Variants in SGCZ observed in about 807,000 individuals in gnomAD.
SGCZ encodes zeta-sarcoglycan.
SGCZ carries 40 observed loss-of-function variants against 41.3 expected under a neutral mutation model. The ratio of observed to expected loss-of-function variants is 0.97; its 90% CI spans 0.75 to 1.26. The LOEUF is 1.26. SGCZ is among the 50% of genes most tolerant of loss of function. SGCZ has a pLI of 0.00. For missense variants in SGCZ, 552 were observed against 369.8 expected (o/e 1.49, Z -4.04); for synonymous variants, 206 against 137.5 (o/e 1.50, Z -3.49).
chr8:15,043,724 A>G (rs1804196570), intron 1 of SGCZ, among the ~76,000 whole-genome samples: 1 of 152,142 alleles, frequency 6.6e-6, no homozygotes, highest in Non-Finnish European at 1.5e-5. Flanking sequence ...GGAATTCTTT[A>G]GAATAATCAC....
chr8:15,110,368 T>A (rs924685687), intron 1 of SGCZ, among the ~76,000 whole-genome samples: 1 of 152,184 alleles, frequency 6.6e-6, no homozygotes, highest in Non-Finnish European at 1.5e-5. Flanking sequence ...AAAATTATGT[T>A]CACAATGATC....
intron 1 of SGCZ, among the ~76,000 whole-genome samples, chr8:15,019,695 G>C (rs1305851546): frequency 6.6e-6 from 1 of 151,616 alleles, no homozygotes; most frequent in Non-Finnish European, 1.5e-5. Flanking sequence ...ATCTCACTGT[G>C]ATGCCACAAC....
intron 3 of SGCZ, among the ~76,000 whole-genome samples, chr8:14,315,486 A>G (rs1273277512): frequency 6.6e-6 from 1 of 152,108 alleles, no homozygotes; most frequent in Non-Finnish European, 1.5e-5. Context: ...GCAAGGGGAT[A>G]AGGATAAAAA....
intron 1 of SGCZ, among the ~76,000 whole-genome samples, chr8:14,955,091 T>A (rs1455519004): frequency 6.6e-6 from 1 of 152,146 alleles, no homozygotes; most frequent in Non-Finnish European, 1.5e-5. Context: ...CTTCTCCTTT[T>A]TTCTTCAATA....
intron 1 of SGCZ, among the ~76,000 whole-genome samples, chr8:14,953,667 G>C (rs1449985714): frequency 1.3e-5 from 2 of 152,080 alleles, no homozygotes; most frequent in African/African-American, 4.8e-5. Flanking sequence ...AGACTTTTAA[G>C]TCACTTTACT....
intron 1 of SGCZ, among the ~76,000 whole-genome samples, chr8:14,802,294 A>G (rs1801346871): frequency 1.3e-5 from 2 of 152,232 alleles, no homozygotes. Context: ...ATAAATCACT[A>G]AGCTGCCATG....
intron 1 of SGCZ, among the ~76,000 whole-genome samples, chr8:15,155,425 C>A (rs1799300296): frequency 6.6e-6 from 1 of 152,024 alleles, no homozygotes; most frequent in Non-Finnish European, 1.5e-5. Context: ...GATTATGTGC[C>A]AACTGAAATA....
chr8:15,122,767 A>G (rs569103158), intron 1 of SGCZ, among the ~76,000 whole-genome samples: 1 of 152,308 alleles, frequency 6.6e-6, no homozygotes, highest in Admixed American at 6.5e-5. Flanking sequence ...TTAGTTATGA[A>G]TATCAGTAAC....
Position 14,085,306 on chromosome 8 carries a change from A to C in SGCZ, c.*5137T>G, listed in dbSNP as rs1198487354. The stretch of plus-strand genomic sequence containing the variant: ...AAACATTTACATGAAAGTACAAAAC[A>C]AAATAAATGAATAGTGGACCTGATT... On this transcript the variant is annotated 3_prime_UTR_variant, in exon 8 of 8. Coordinates refer to ENST00000382080, the MANE Select transcript of SGCZ (RefSeq NM_139167.4). 1.3e-5 allele frequency among the ~76,000 whole-genome samples: 2 copies of C among 151,830 alleles called. No individual in the cohort carries two copies. Among genetic ancestry groups the C allele is most frequent in the African/African-American group, 4.8e-5 (2 of 41,416 alleles).
chr8:14,268,189 T>C (rs1479523097), intron 3 of SGCZ, among the ~76,000 whole-genome samples: 1 of 149,660 alleles, frequency 6.7e-6, no homozygotes, highest in Non-Finnish European at 1.5e-5. Context: ...ATACTGGGAA[T>C]ACGGTAGACT....
chr8:14,949,351 G>A (rs1800555663), intron 1 of SGCZ, among the ~76,000 whole-genome samples: 1 of 152,044 alleles, frequency 6.6e-6, no homozygotes. Context: ...TATGCAAATT[G>A]AATTTTAAAA....
intron 4 of SGCZ, among the ~76,000 whole-genome samples, chr8:14,233,597 G>GAT (rs5889522): frequency 0.28 from 41,310 of 145,326 alleles, 6,366 homozygotes; most frequent in South Asian, 0.47. Context: ...ATAAAATATA[G>GAT]ATATATATAT....
chr8:15,008,005 C>G (rs1023719430), intron 1 of SGCZ, among the ~76,000 whole-genome samples: 26 of 152,100 alleles, frequency 1.7e-4, no homozygotes, highest in Non-Finnish European at 2.9e-5. Flanking sequence ...TACAGTAAGT[C>G]AATTCTAACT....
intron 1 of SGCZ, among the ~76,000 whole-genome samples, chr8:15,024,140 G>A (rs563732697): frequency 1.6e-4 from 24 of 152,114 alleles, no homozygotes; most frequent in Admixed American, 5.2e-4. Context: ...GTATATCTTG[G>A]AAATTGGAGA....
chr8:14,843,197 G>C (rs183353909), intron 1 of SGCZ, among the ~76,000 whole-genome samples: 38 of 152,246 alleles, frequency 2.5e-4, no homozygotes, highest in Middle Eastern at 3.4e-3. Context: ...GGGCAACAAA[G>C]TGAGAGTTGG....
intron 1 of SGCZ, among the ~76,000 whole-genome samples, chr8:14,914,518 G>A (rs1799369409): frequency 6.7e-6 from 1 of 149,218 alleles, no homozygotes; most frequent in Non-Finnish European, 1.5e-5. Context: ...TTGGAAGCAG[G>A]TAAGAGACAG....
intron 1 of SGCZ, among the ~76,000 whole-genome samples, chr8:14,955,242 G>A (rs1471319780): frequency 6.6e-6 from 1 of 152,018 alleles, no homozygotes; most frequent in Non-Finnish European, 1.5e-5. Flanking sequence ...TTTCTTCAAT[G>A]TTATGTTTGT....
At chr8:14,188,939 T>A (rs571996336) in intron 4 of SGCZ, among the ~76,000 whole-genome samples, 1 of 150,744 alleles carries the variant, frequency 6.6e-6, no homozygotes, top group African/African-American at 2.4e-5. Context: ...TCGAGCAACC[T>A]CCATCACCCG....
At chr8:14,497,479 C>G (rs1427594190) in intron 2 of SGCZ, among the ~76,000 whole-genome samples, 1 of 152,136 alleles carries the variant, frequency 6.6e-6, no homozygotes, top group Non-Finnish European at 1.5e-5. Flanking sequence ...CCCAGGACAG[C>G]TTTGAATGTG....
Sources: gnomAD v4.1 joint callset for allele counts (sites outside exome capture counted in the v4.1 genomes callset) on GRCh38, gnomAD v4.1.1 for gene constraint, MANE v1.5 for transcripts, NCBI Gene and HGNC (gene_info 2026-07-23, HGNC 2026-07-21) for gene names.